NELL2: variants seen among roughly 807,000 people sequenced by gnomAD.
NELL2 encodes the protein neural EGFL like 2, also known as protein kinase C-binding protein NELL2.
Under a neutral mutation model 109.6 loss-of-function variants are expected in NELL2, and 41 were observed. The ratio of observed to expected loss-of-function variants is 0.37; its 90% CI spans 0.29 to 0.49. The LOEUF is 0.49. Ranked by LOEUF, NELL2 falls within the 20% of genes least tolerant of loss-of-function variation. NELL2 has a pLI of 0.98. For synonymous variants in NELL2, 355 were observed against 344.7 expected, an observed-to-expected ratio of 1.03 and a Z score of -0.33; for missense variants, 900 against 1,008.3, an observed-to-expected ratio of 0.89 and a Z score of 1.45.
chr12:44,818,803 C>T (rs548130615), intron 2 of NELL2, among the ~76,000 whole-genome samples: 7 of 125,990 alleles, frequency 5.6e-5, no homozygotes, highest in Non-Finnish European at 7.9e-5. Flanking sequence ...ACTGCAGTGG[C>T]GCAATCTCGG....
At chr12:44,552,915 C>T (rs973116675) in intron 15 of NELL2, among the ~76,000 whole-genome samples, 57 of 152,128 alleles carry the variant, frequency 3.7e-4, no homozygotes, top group African/African-American at 8.2e-4. Context: ...TGGTCAGCTT[C>T]TATTATCTAC....
chr12:44,724,399 G>T (rs575845114), intron 9 of NELL2, among the ~76,000 whole-genome samples: 1 of 151,914 alleles, frequency 6.6e-6, no homozygotes, highest in African/African-American at 2.4e-5. Flanking sequence ...TATAATAAAA[G>T]TTGAAATTTG....
At chr12:44,566,082 A>G (rs1943646771) in intron 15 of NELL2, among the ~76,000 whole-genome samples, 1 of 152,180 alleles carries the variant, frequency 6.6e-6, no homozygotes, top group African/African-American at 2.4e-5. Context: ...ATGAGGGATG[A>G]TAAGAATGGT....
chr12:44,635,197 G>A (rs1374718720), intron 13 of NELL2, among the ~76,000 whole-genome samples: 1 of 151,944 alleles, frequency 6.6e-6, no homozygotes, highest in African/African-American at 2.4e-5. Context: ...TTGTCAGTTG[G>A]ATAGATTGCA....
At chr12:44,747,631 C>A (rs1002792740) in intron 9 of NELL2, among the ~76,000 whole-genome samples, 2 of 152,004 alleles carry the variant, frequency 1.3e-5, no homozygotes, top group African/African-American at 4.8e-5. Context: ...GCATCCCTGA[C>A]CTCCACACTG....
chr12:44,898,054 C>T (rs1350429221), intron 1 of NELL2, among the ~76,000 whole-genome samples: 1 of 152,194 alleles, frequency 6.6e-6, no homozygotes, highest in Non-Finnish European at 1.5e-5. Context: ...TGTAGCCAGA[C>T]TACCACTTTA....
At position 44,821,099 on chromosome 12, in the gene NELL2, T is replaced by A. The variant is rs73279111; in HGVS notation, c.185-4963A>T. On this transcript the variant is annotated intron_variant, in intron 2 of 19. Coordinates refer to ENST00000429094, the MANE Select transcript of NELL2 (RefSeq NM_001145108.2). ...TATATATTCTATAATGCTGCACATA[T>A]GATACTATACAAATTTTATCCTGCA... Among the ~76,000 whole-genome samples, 912 of 152,168 alleles carry A rather than the reference T, an allele frequency of 6.0e-3. 6 individuals carry two copies. The highest frequency in any genetic ancestry group is 0.021 in the African/African-American group (870 of 41,514).
intron 16 of NELL2, among the ~76,000 whole-genome samples, chr12:44,526,416 G>C (rs1030924445): frequency 1.3e-5 from 2 of 152,162 alleles, no homozygotes; most frequent in African/African-American, 4.8e-5. Context: ...TTATAAATCA[G>C]GAAATTGAGA....
At chr12:44,667,912 AG>A (rs1487525637) in intron 12 of NELL2, among the ~76,000 whole-genome samples, 2 of 152,208 alleles carry the variant, frequency 1.3e-5, no homozygotes, top group Non-Finnish European at 2.9e-5. Context: ...AGCCTAGCAT[AG>A]GAAACTGCCT....
chr12:44,773,469 C>A (rs138548072), intron 9 of NELL2, among the ~76,000 whole-genome samples: 2,974 of 151,952 alleles, frequency 0.02, 92 homozygotes, highest in African/African-American at 0.069. Context: ...GAGCGAGGCT[C>A]CGTCTCAAGA....
At chr12:44,886,142 A>G (rs1411786790) in intron 1 of NELL2, among the ~76,000 whole-genome samples, 4 of 147,560 alleles carry the variant, frequency 2.7e-5, no homozygotes, top group African/African-American at 5.2e-5. Context: ...GAAGGAAGGA[A>G]GGAAGAAAGG....
chr12:44,909,968 CA>C (rs201289186), intron 1 of NELL2, among the ~76,000 whole-genome samples: 2 of 151,362 alleles, frequency 1.3e-5, no homozygotes, highest in Non-Finnish European at 3.0e-5. Flanking sequence ...TTACCACATA[CA>C]AAAAAAATTA....
In NELL2 at chr12:44,702,305, T is replaced by G. The variant is rs78404102; in HGVS notation, c.1318+1421A>C. Among the ~76,000 whole-genome samples the G allele has an allele frequency of 2.6e-4, 39 of 152,298 alleles. No homozygotes were observed. The East Asian group carries it at 7.5e-3, about 29-fold the overall frequency. ...TGTAAAGCTCCTGAGCACGGGAAAT[T>G]CTTAAGTCTTGTCCATCATTTACTC... On this transcript the variant is annotated intron_variant, in intron 12 of 19. Transcript: ENST00000429094.
chr12:44,534,086 C>T (rs528763740), intron 15 of NELL2, among the ~76,000 whole-genome samples: 4 of 152,156 alleles, frequency 2.6e-5, no homozygotes, highest in African/African-American at 9.6e-5. Context: ...TCTACTTCCT[C>T]CTATTTCAGT....
intron 2 of NELL2, among the ~76,000 whole-genome samples, chr12:44,871,596 A>G (rs74648554): frequency 6.6e-6 from 1 of 152,234 alleles, no homozygotes; most frequent in East Asian, 1.9e-4. Context: ...ATTCCACACT[A>G]TTTGGGCACC....
chr12:44,734,275 A>AT, intron 9 of NELL2, among the ~76,000 whole-genome samples: 1 of 151,698 alleles, frequency 6.6e-6, no homozygotes, highest in East Asian at 1.9e-4. Context: ...ATCTACTTTG[A>AT]TTTTTCAGGG....
chr12:44,735,411 T>C (rs73285429), intron 9 of NELL2, among the ~76,000 whole-genome samples: 11,435 of 152,214 alleles, frequency 0.075, 1,397 homozygotes, highest in African/African-American at 0.26. Flanking sequence ...GTAAATGAAA[T>C]CCAAGGCTTG....
intron 9 of NELL2, among the ~76,000 whole-genome samples, chr12:44,716,173 T>C (rs1484176888): frequency 6.6e-6 from 1 of 152,160 alleles, no homozygotes; most frequent in Non-Finnish European, 1.5e-5. Flanking sequence ...CTCGCTTTCC[T>C]TGAAAAACTA....
chr12:44,645,426 T>C (rs1269994427), intron 13 of NELL2, among the ~76,000 whole-genome samples: 1 of 152,210 alleles, frequency 6.6e-6, no homozygotes, highest in African/African-American at 2.4e-5. Flanking sequence ...GATTTGAGCT[T>C]TTTATTTTGA....
Sources: allele counts gnomAD v4.1 joint callset (sites outside exome capture counted in the v4.1 genomes callset), GRCh38; gene constraint gnomAD v4.1.1; transcripts MANE v1.5; gene names NCBI Gene and HGNC (gene_info 2026-07-23, HGNC 2026-07-21).